The following PCDHA2 variants were observed in gnomAD, a reference collection of about 807,000 sequenced individuals.
PCDHA2 encodes protocadherin alpha-2.
A neutral mutation model predicts 66.0 loss-of-function variants in PCDHA2; 58 were observed. That is an observed-to-expected ratio of 0.88 (90% CI 0.71 to 1.09). PCDHA2 has a LOEUF of 1.09. PCDHA2 is among the 50% of genes least tolerant of loss of function. The pLI is 0.00. For missense variants in PCDHA2, 1,267 were observed against 1,242.3 expected (o/e 1.02, Z -0.30); for synonymous variants, 634 against 554.0 (o/e 1.14, Z -2.03).
intron 1 of PCDHA2, among the ~76,000 whole-genome samples, chr5:140,914,381 T>C (rs192645626): frequency 1.7e-4 from 26 of 152,352 alleles, no homozygotes; most frequent in Admixed American, 2.6e-4. Flanking sequence ...TTATCTGTTA[T>C]AAGTGTAGTT....
At chr5:140,825,589 A>AT (rs1554130291) in intron 1 of PCDHA2, 2 of 151,442 alleles carry the variant, frequency 1.3e-5, no homozygotes, top group African/African-American at 4.9e-5. Context: ...CACCTGGCTA[A>AT]TTTTTTGTAT....
intron 1 of PCDHA2, among the ~76,000 whole-genome samples, chr5:140,893,546 A>T (rs765690335): frequency 2.0e-5 from 3 of 152,210 alleles, no homozygotes; most frequent in Non-Finnish European, 4.4e-5. Context: ...TGTAGGACTT[A>T]TCTAGTTGTA....
chr5:140,888,441 A>G (rs2061829051), intron 1 of PCDHA2, among the ~76,000 whole-genome samples: 1 of 152,222 alleles, frequency 6.6e-6, no homozygotes, highest in African/African-American at 2.4e-5. Context: ...CAGCCGCCCA[A>G]CAATAAAGAA....
At chr5:140,873,076 AT>A (rs2054077114) in intron 1 of PCDHA2, among the ~76,000 whole-genome samples, 1 of 152,056 alleles carries the variant, frequency 6.6e-6, no homozygotes, top group South Asian at 2.1e-4. Flanking sequence ...ATATCTAGCT[AT>A]TTCCCCCCCG....
intron 1 of PCDHA2, chr5:140,871,236 ACTCACGCTG>A: frequency 6.2e-7 from 1 of 1,613,908 alleles, no homozygotes; most frequent in Non-Finnish European, 8.5e-7. Context: ...GCCTCCTGGT[ACTCACGCTG>A]CTGCTGTATA....
intron 1 of PCDHA2, chr5:140,802,360 C>G: frequency 6.2e-7 from 1 of 1,614,244 alleles, no homozygotes. Flanking sequence ...GTCACCTGCT[C>G]GCTGACGCCC....
At chr5:140,967,099 T>G in intron 1 of PCDHA2, 1 of 1,613,074 alleles carries the variant, frequency 6.2e-7, no homozygotes, top group Non-Finnish European at 8.5e-7. Context: ...AGGCGCTGTG[T>G]GAGCAGCGGC....
At chr5:140,901,909 C>T (rs2068974930) in intron 1 of PCDHA2, among the ~76,000 whole-genome samples, 1 of 151,454 alleles carries the variant, frequency 6.6e-6, no homozygotes, top group African/African-American at 2.4e-5. Context: ...TTGTGGAGAT[C>T]TTTCACTTCT....
chr5:140,981,687 ATCAT>A (rs200213847), intron 2 of PCDHA2, among the ~76,000 whole-genome samples: 197 of 152,078 alleles, frequency 1.3e-3, no homozygotes, highest in African/African-American at 4.2e-3. Context: ...CCTCCCTTCC[ATCAT>A]TCATTCATTC....
chr5:141,011,237 A>G lies in PCDHA2; in HGVS notation c.*1300A>G, dbSNP rs562746586. Reference sequence around the variant, plus strand: ...GATTTTTCAATCTACTAATTCTGTGACTTGTCTTGGTGTGCTAGCCTACAC... The same window carrying G: ...GATTTTTCAATCTACTAATTCTGTGGCTTGTCTTGGTGTGCTAGCCTACAC... On this transcript the variant is annotated 3_prime_UTR_variant, in exon 4 of 4. Transcript: ENST00000526136. The G allele has an allele frequency of 6.5e-6, 1 of 153,754 alleles. No homozygotes were observed. Among genetic ancestry groups the G allele is most frequent in the South Asian group, 2.1e-4 (1 of 4,812 alleles). The allele number at this position is 153,754 out of a possible 1,614,324, so 9.5% of individuals were successfully genotyped here.
chr5:140,979,130 A>C, intron 2 of PCDHA2, 123 bp downstream of exon 2: 1 of 1,473,242 alleles, frequency 6.8e-7, no homozygotes, highest in Admixed American at 2.7e-5. Flanking sequence ...TTTGCCAGGA[A>C]AATGCAATTA....
At chr5:140,863,660 A>G (rs1439004370) in intron 1 of PCDHA2, 2 of 293,826 alleles carry the variant, frequency 6.8e-6, no homozygotes, top group Non-Finnish European at 1.3e-5. Flanking sequence ...TGATTGCTTT[A>G]TTTATTTTGC....
intron 1 of PCDHA2, among the ~76,000 whole-genome samples, chr5:140,846,022 C>T (rs1294786212): frequency 1.3e-5 from 2 of 149,390 alleles, no homozygotes; most frequent in South Asian, 4.2e-4. Context: ...AAAGTTATTA[C>T]GAGTTTAGGA....
chr5:140,972,733 G>A (rs1037610917), intron 1 of PCDHA2, among the ~76,000 whole-genome samples: 7 of 147,652 alleles, frequency 4.7e-5, no homozygotes, highest in Non-Finnish European at 7.4e-5. Context: ...GCGTAATCCC[G>A]GCTCACTGCA....
rs2150127652 is a variant in PCDHA2, at chr5:140,823,634, C to T, written c.2388+26282C>T. 143 of 1,613,942 alleles carry T rather than the reference C, an allele frequency of 8.9e-5. 1 individual carries two copies. Among genetic ancestry groups the T allele is most frequent in the Middle Eastern group, 1.6e-4 (1 of 6,080 alleles). On this transcript the variant is annotated intron_variant, in intron 1 of 3. Transcript: ENST00000526136. ...CCAGCGCCTGGCAGTGCGCGCATCC[C>T]GTTCCGCGTGGGGCTGTACACAGGC...
intron 1 of PCDHA2, among the ~76,000 whole-genome samples, chr5:140,832,117 A>G (rs1431640218): frequency 6.6e-6 from 1 of 152,252 alleles, no homozygotes; most frequent in African/African-American, 2.4e-5. Flanking sequence ...AGCAATTTAA[A>G]ATGTGTGTTT....
At chr5:140,862,541 G>A (rs749747760) in intron 1 of PCDHA2, 2 of 445,208 alleles carry the variant, frequency 4.5e-6, no homozygotes, top group Non-Finnish European at 9.1e-6. Context: ...CGGGTCCGTG[G>A]AAGTGGCCGA....
intron 1 of PCDHA2, chr5:140,863,190 G>A (rs782460122): frequency 1.3e-6 from 1 of 798,634 alleles, no homozygotes; most frequent in South Asian, 1.3e-5. Context: ...TCACCGTGGT[G>A]GCGTCGCTGG....
At chr5:140,886,631 G>T (rs1314948402) in intron 1 of PCDHA2, among the ~76,000 whole-genome samples, 1 of 151,860 alleles carries the variant, frequency 6.6e-6, no homozygotes. Context: ...TCCGAGACCA[G>T]CCTGGCCAAC....
Sources: gnomAD v4.1 joint callset for allele counts (sites outside exome capture counted in the v4.1 genomes callset) on GRCh38, gnomAD v4.1.1 for gene constraint, MANE v1.5 for transcripts, NCBI Gene and HGNC (gene_info 2026-07-23, HGNC 2026-07-21) for gene names.